The following RNF150 variants were observed in gnomAD, a reference collection of about 807,000 sequenced individuals.
The protein encoded by RNF150 is ring finger protein 150.
Under a neutral mutation model 39.3 loss-of-function variants are expected in RNF150, and 24 were observed. The ratio of observed to expected loss-of-function variants is 0.61; its 90% CI spans 0.44 to 0.86. The LOEUF is 0.86. RNF150 is among the 40% of genes least tolerant of loss of function. The pLI is 0.00. For missense variants in RNF150, 502 were observed against 587.8 expected (o/e 0.85, Z 1.51); for synonymous variants, 255 against 227.3 (o/e 1.12, Z -1.10).
intron 1 of RNF150, among the ~76,000 whole-genome samples, chr4:141,002,746 A>C (rs189005758): frequency 4.8e-4 from 73 of 152,268 alleles, no homozygotes; most frequent in Non-Finnish European, 7.5e-4. Context: ...CTGCAGGGGG[A>C]AGCCTGGGCA....
At chr4:141,147,739 A>T (rs1421770591) in intron 1 of RNF150, among the ~76,000 whole-genome samples, 2 of 152,122 alleles carry the variant, frequency 1.3e-5, no homozygotes, top group South Asian at 2.1e-4. Context: ...GCTGAGAGAG[A>T]GAGAAACTCA....
chr4:141,102,445 T>C (rs1739045174), intron 1 of RNF150, among the ~76,000 whole-genome samples: 1 of 152,154 alleles, frequency 6.6e-6, no homozygotes, highest in Admixed American at 6.5e-5. Flanking sequence ...AAGAAGTGAG[T>C]CACCATCTAC....
At chr4:140,931,284 T>TA (rs1731625181) in intron 4 of RNF150, among the ~76,000 whole-genome samples, 1 of 132,896 alleles carries the variant, frequency 7.5e-6, no homozygotes. Context: ...CTACAAATTT[T>TA]AAAAAAATCA....
intron 4 of RNF150, among the ~76,000 whole-genome samples, chr4:140,937,367 C>T (rs1731899909): frequency 6.6e-6 from 1 of 152,096 alleles, no homozygotes; most frequent in East Asian, 1.9e-4. Context: ...TTCAAGTGAT[C>T]ATCTTGCCTC....
chr4:141,030,461 C>A (rs1397648584), intron 1 of RNF150, among the ~76,000 whole-genome samples: 1 of 152,056 alleles, frequency 6.6e-6, no homozygotes, highest in Non-Finnish European at 1.5e-5. Flanking sequence ...TGGGTATACA[C>A]CCCAAAGTAC....
intron 2 of RNF150, among the ~76,000 whole-genome samples, chr4:140,955,474 C>T (rs1376716200): frequency 6.6e-6 from 1 of 152,084 alleles, no homozygotes; most frequent in African/African-American, 2.4e-5. Context: ...GCCCTCTGTC[C>T]CCTTATTAAT....
At chr4:141,182,307 A>G (rs551131743) in intron 1 of RNF150, among the ~76,000 whole-genome samples, 8 of 81,122 alleles carry the variant, frequency 9.9e-5, no homozygotes, top group Non-Finnish European at 1.9e-4. Context: ...CCTATTCAAC[A>G]TAGTGTTGGA....
At chr4:140,891,020 T>C (rs1351231346) in intron 6 of RNF150, among the ~76,000 whole-genome samples, 1 of 152,186 alleles carries the variant, frequency 6.6e-6, no homozygotes, top group East Asian at 1.9e-4. Flanking sequence ...TCACTAAAGG[T>C]TAACTATAAT....
intron 4 of RNF150, among the ~76,000 whole-genome samples, chr4:140,926,366 A>G (rs1335894496): frequency 6.6e-6 from 1 of 152,224 alleles, no homozygotes; most frequent in Non-Finnish European, 1.5e-5. Flanking sequence ...AATAGGAAGA[A>G]GCTCCAATGA....
chr4:141,161,886 T>C (rs1727518156), intron 1 of RNF150, among the ~76,000 whole-genome samples: 1 of 152,130 alleles, frequency 6.6e-6, no homozygotes. Flanking sequence ...TTTCAGAGGA[T>C]GTATGGAAAA....
intron 6 of RNF150, among the ~76,000 whole-genome samples, chr4:140,896,712 ACAAACAAAC>A (rs1560953194): frequency 1.8e-4 from 21 of 117,204 alleles, no homozygotes; most frequent in East Asian, 1.6e-3. Context: ...AAAAAAACAA[ACAAACAAAC>A]AAAAAAAAAT....
At chr4:140,978,276 T>C (rs942407572) in intron 1 of RNF150, among the ~76,000 whole-genome samples, 26 of 152,296 alleles carry the variant, frequency 1.7e-4, no homozygotes, top group African/African-American at 5.8e-4. Flanking sequence ...CTGAAGTGCA[T>C]TGTAATTTCA....
chr4:140,976,952 C>T (rs1200368595), intron 1 of RNF150, among the ~76,000 whole-genome samples: 3 of 152,006 alleles, frequency 2.0e-5, no homozygotes, highest in Non-Finnish European at 4.4e-5. Context: ...CCCCTTTGTC[C>T]AAATGATGAC....
chr4:141,202,652 C>G (rs993209612), intron 1 of RNF150, among the ~76,000 whole-genome samples: 1 of 151,876 alleles, frequency 6.6e-6, no homozygotes, highest in South Asian at 2.1e-4. Context: ...GCTTTCAAAA[C>G]CAGTTTGTGA....
At chr4:140,958,066 A>T (rs1305217149) in intron 2 of RNF150, among the ~76,000 whole-genome samples, 1 of 152,188 alleles carries the variant, frequency 6.6e-6, no homozygotes, top group Admixed American at 6.5e-5. Context: ...TAACAAAAAT[A>T]ATATAAATAA....
At chr4:141,036,291 T>C (rs745795939) in intron 1 of RNF150, among the ~76,000 whole-genome samples, 1 of 152,162 alleles carries the variant, frequency 6.6e-6, no homozygotes. Context: ...GTTGAATGGA[T>C]AGGCAAAAGA....
rs565908373 is a variant in RNF150 at position 141,132,593 on chromosome 4, C to T, written c.216G>A (p.Thr72=). The T allele has an allele frequency of 5.3e-4, 829 of 1,566,808 alleles. 1 individual carries two copies. Among genetic ancestry groups the T allele is most frequent in the Non-Finnish European group, 6.7e-4 (771 of 1,156,598 alleles). ...AGTGCTCTCCGTAGCGCCCGCACTC[C>T]GTCTTCTCCGTGTGCAGCTCCGCGC... ...GGGAELHTEK[T]ECGRYGEHSP... Residue 72 remains threonine, a synonymous_variant, in exon 1 of 7, where the codon ACG becomes ACA. Coordinates refer to ENST00000515673, the MANE Select transcript of RNF150 (RefSeq NM_020724.2). The surrounding 1 kb of genome is among the most constrained non-coding windows in gnomAD (Gnocchi z 4.9).
intron 6 of RNF150, among the ~76,000 whole-genome samples, chr4:140,871,384 T>C (rs569983063): frequency 1.3e-5 from 2 of 152,318 alleles, no homozygotes; most frequent in South Asian, 4.2e-4. Flanking sequence ...AAATGCCTGC[T>C]TTTGTATATT....
chr4:141,069,955 C>A (rs1375862589), intron 1 of RNF150, among the ~76,000 whole-genome samples: 1 of 151,416 alleles, frequency 6.6e-6, no homozygotes, highest in African/African-American at 2.4e-5. Flanking sequence ...CTCTTTTTTT[C>A]TTTATTAGTC....
Sources: gnomAD v4.1 joint callset for allele counts (sites outside exome capture counted in the v4.1 genomes callset) on GRCh38, gnomAD v4.1.1 for gene constraint, Gnocchi (gnomAD v3.1) non-coding constraint, MANE v1.5 for transcripts, NCBI Gene and HGNC (gene_info 2026-07-23, HGNC 2026-07-21) for gene names.